The following PSD3 variants were observed in gnomAD, a reference collection of about 807,000 sequenced individuals.
PSD3 encodes the protein PH and SEC7 domain-containing protein 3.
PSD3 carries 49 observed loss-of-function variants against 105.5 expected under a neutral mutation model. That is an observed-to-expected ratio of 0.46 (90% CI 0.37 to 0.59). The LOEUF (loss-of-function observed/expected upper bound fraction) is 0.59, where lower values mean the gene tolerates loss of function less well. Ranked by LOEUF, PSD3 falls within the 20% of genes least tolerant of loss-of-function variation. PSD3 has a pLI of 0.00. For synonymous variants in PSD3, 557 were observed against 457.8 expected (o/e 1.22, Z -2.77); for missense variants, 1,561 against 1,263.8 (o/e 1.24, Z -3.57).
chr8:18,599,642 C>A (rs1804290481), intron 12 of PSD3, among the ~76,000 whole-genome samples: 1 of 152,132 alleles, frequency 6.6e-6, no homozygotes, highest in Non-Finnish European at 1.5e-5. Context: ...TGGGCTTGAA[C>A]TGTACAGATC....
At chr8:18,746,401 AC>A (rs138654730) in intron 9 of PSD3, among the ~76,000 whole-genome samples, 1,748 of 152,136 alleles carry the variant, frequency 0.011, 35 homozygotes, top group African/African-American at 0.04. Context: ...TCCATGCCCC[AC>A]GTGTCCTCAT....
chr8:19,063,730 C>T (rs1480504415), intron 1 of PSD3, among the ~76,000 whole-genome samples: 1 of 152,176 alleles, frequency 6.6e-6, no homozygotes, highest in Non-Finnish European at 1.5e-5. Context: ...GACACAGAAT[C>T]CTGGCCTGAA....
chr8:18,681,048 AAAG>A (rs1247832761), intron 9 of PSD3, among the ~76,000 whole-genome samples: 2 of 152,234 alleles, frequency 1.3e-5, no homozygotes, highest in African/African-American at 4.8e-5. Context: ...TGAAAGTTTC[AAAG>A]AATACAAAAC....
At chr8:18,629,154 TA>T (rs2080244261) in intron 11 of PSD3, among the ~76,000 whole-genome samples, 1 of 151,994 alleles carries the variant, frequency 6.6e-6, no homozygotes, top group Non-Finnish European at 1.5e-5. Context: ...GTATTAATAT[TA>T]GACAAAGTAG....
At chr8:18,784,017 C>A (rs180778160) in intron 8 of PSD3, among the ~76,000 whole-genome samples, 2 of 152,174 alleles carry the variant, frequency 1.3e-5, no homozygotes, top group African/African-American at 4.8e-5. Flanking sequence ...TGTATGACTA[C>A]ATAAATGTCC....
At chr8:18,660,669 C>T (rs1330802003) in intron 9 of PSD3, among the ~76,000 whole-genome samples, 1 of 152,194 alleles carries the variant, frequency 6.6e-6, no homozygotes, top group Non-Finnish European at 1.5e-5. Flanking sequence ...ACCACATCAG[C>T]TCCTTGGACG....
rs577802253 is a variant in PSD3 at position 18,900,392 on chromosome 8, TTTC to T, written c.131-27662_131-27660del. Among the ~76,000 whole-genome samples the T allele has an allele frequency of 9.8e-5, 15 of 152,308 alleles. No individual in the cohort carries two copies. The South Asian group carries it at 1.2e-3, about 13-fold the overall frequency. The stretch of plus-strand genomic sequence containing the variant: ...GCAGTGACAACAAATTTCCTTTTCT[TTTC>T]TTACAACGGTACTTACACTGCTGGA... On this transcript the variant is annotated intron_variant, in intron 2 of 15. Transcript: ENST00000327040.
intron 1 of PSD3, among the ~76,000 whole-genome samples, chr8:19,044,442 T>C (rs1828243543): frequency 6.6e-6 from 1 of 152,244 alleles, no homozygotes; most frequent in Non-Finnish European, 1.5e-5. Context: ...TAAATCACTC[T>C]ATCTTTAAGC....
At chr8:18,807,676 T>C (rs541835808) in intron 4 of PSD3, among the ~76,000 whole-genome samples, 130 of 152,334 alleles carry the variant, frequency 8.5e-4, no homozygotes, top group African/African-American at 3.0e-3. Context: ...ACATGTATGG[T>C]AACCCTCAAC....
At chr8:18,591,501 T>A (rs1211294349) in intron 12 of PSD3, among the ~76,000 whole-genome samples, 2 of 152,150 alleles carry the variant, frequency 1.3e-5, no homozygotes, top group Non-Finnish European at 2.9e-5. Flanking sequence ...GTAGAGTGTG[T>A]GGCCCTCATT....
intron 9 of PSD3, among the ~76,000 whole-genome samples, chr8:18,715,384 ACATATTAT>A (rs1401058050): frequency 1.3e-5 from 2 of 152,364 alleles, no homozygotes; most frequent in Non-Finnish European, 2.9e-5. Context: ...GATCTAAGAA[ACATATTAT>A]TAATGTATCC....
At chr8:18,930,988 T>C (rs1371473474) in intron 2 of PSD3, among the ~76,000 whole-genome samples, 1 of 152,232 alleles carries the variant, frequency 6.6e-6, no homozygotes, top group Non-Finnish European at 1.5e-5. Context: ...GCCTTTCTAG[T>C]AGATTTTATT....
chr8:18,646,502 T>C (rs1419274735), intron 10 of PSD3, among the ~76,000 whole-genome samples: 1 of 152,154 alleles, frequency 6.6e-6, no homozygotes, highest in African/African-American at 2.4e-5. Flanking sequence ...CATTAGGATG[T>C]AAGTTCAATT....
intron 10 of PSD3, among the ~76,000 whole-genome samples, chr8:18,639,236 G>A (rs1049586298): frequency 2.0e-5 from 3 of 151,964 alleles, no homozygotes; most frequent in African/African-American, 7.3e-5. Context: ...ACATTGCTTT[G>A]AAGTTTTCTA....
chr8:18,821,235 T>C (rs1385084240), intron 4 of PSD3, among the ~76,000 whole-genome samples: 1 of 151,868 alleles, frequency 6.6e-6, no homozygotes, highest in Non-Finnish European at 1.5e-5. Context: ...AACAAGACCA[T>C]TCAAAAAGCT....
chr8:18,986,075 A>C (rs1350311484), intron 1 of PSD3, among the ~76,000 whole-genome samples: 1 of 152,178 alleles, frequency 6.6e-6, no homozygotes, highest in African/African-American at 2.4e-5. Flanking sequence ...TAATGATGTA[A>C]CAAAACCTCA....
intron 9 of PSD3, among the ~76,000 whole-genome samples, chr8:18,737,050 G>C (rs1261595032): frequency 6.6e-6 from 1 of 152,178 alleles, no homozygotes; most frequent in African/African-American, 2.4e-5. Flanking sequence ...ATCTGCTTTT[G>C]TGGTTTAGTT....
intron 11 of PSD3, among the ~76,000 whole-genome samples, chr8:18,629,021 G>A (rs1035322409): frequency 2.6e-5 from 4 of 151,730 alleles, no homozygotes; most frequent in Non-Finnish European, 4.4e-5. Flanking sequence ...AATAAAAAGC[G>A]AGACCCACCA....
intron 2 of PSD3, among the ~76,000 whole-genome samples, chr8:18,924,078 A>C (rs766096550): frequency 6.6e-6 from 1 of 152,176 alleles, no homozygotes; most frequent in Non-Finnish European, 1.5e-5. Flanking sequence ...AATTCCAAAG[A>C]AGTAGTTAAG....
Sources: allele counts gnomAD v4.1 joint callset (sites outside exome capture counted in the v4.1 genomes callset), GRCh38; gene constraint gnomAD v4.1.1; transcripts MANE v1.5; gene names NCBI Gene and HGNC (gene_info 2026-07-23, HGNC 2026-07-21).